The following SLC39A11 variants were observed in gnomAD, a reference collection of about 807,000 sequenced individuals.
SLC39A11 encodes the protein solute carrier family 39 member 11, also known as zinc transporter ZIP11.
SLC39A11 carries 33 observed loss-of-function variants against 36.1 expected under a neutral mutation model. The observed-to-expected ratio is 0.91, with a 90% CI of 0.69 to 1.22. The LOEUF (loss-of-function observed/expected upper bound fraction) is 1.22. Among genes scored for constraint, SLC39A11 ranks in the 50% most tolerant of loss-of-function variants. SLC39A11 has a pLI of 0.00. For synonymous variants in SLC39A11, 166 were observed against 170.3 expected (o/e 0.97, Z 0.20); for missense variants, 432 against 430.3 (o/e 1.00, Z -0.03).
intron 7 of SLC39A11, among the ~76,000 whole-genome samples, chr17:72,655,985 C>T (rs2070099576): frequency 6.6e-6 from 1 of 152,046 alleles, no homozygotes; most frequent in African/African-American, 2.4e-5. Context: ...TCACCAGCTC[C>T]CCTCCTGCAG....
chr17:72,689,063 C>T (rs1019379075), intron 7 of SLC39A11, among the ~76,000 whole-genome samples: 7 of 152,318 alleles, frequency 4.6e-5, no homozygotes, highest in Non-Finnish European at 7.3e-5. Flanking sequence ...CATCCCTGTC[C>T]TGTCTCCTGT....
intron 3 of SLC39A11, among the ~76,000 whole-genome samples, chr17:73,039,377 C>A (rs1459843032): frequency 1.3e-5 from 2 of 152,184 alleles, no homozygotes; most frequent in Non-Finnish European, 2.9e-5. Context: ...GAACGTCGCA[C>A]ATGCCCAGGA....
At position 72,909,827 on chromosome 17, in the gene SLC39A11, C is replaced by G. The variant is rs147993025; in HGVS notation, c.430+37925G>C. On this transcript the variant is annotated intron_variant, in intron 5 of 9. Coordinates refer to ENST00000255559, the MANE Select transcript of SLC39A11 (RefSeq NM_139177.4). ...GTGGCGTGATCTCGGCTCACTGCAA[C>G]CTCCGCTTCCCGCGTTCACGCCATT... 6.1e-3 allele frequency among the ~76,000 whole-genome samples: 917 copies of G among 151,374 alleles called. 4 individuals carry two copies. Among genetic ancestry groups the G allele is most frequent in the Middle Eastern group, 6.8e-3 (2 of 292 alleles).
At chr17:72,902,232 T>C (rs1052730339) in intron 5 of SLC39A11, among the ~76,000 whole-genome samples, 4 of 151,036 alleles carry the variant, frequency 2.6e-5, no homozygotes, top group Non-Finnish European at 5.9e-5. Context: ...GATCATGCCA[T>C]TGCACTCCAG....
At chr17:73,075,108 A>G (rs1252749727) in intron 3 of SLC39A11, among the ~76,000 whole-genome samples, 1 of 152,240 alleles carries the variant, frequency 6.6e-6, no homozygotes, top group East Asian at 1.9e-4. Context: ...CTTCTCACTC[A>G]CATGAAAAGG....
chr17:72,952,407 G>T (rs2085928038), intron 4 of SLC39A11, among the ~76,000 whole-genome samples: 1 of 152,218 alleles, frequency 6.6e-6, no homozygotes, highest in African/African-American at 2.4e-5. Flanking sequence ...GTGGGGGAAA[G>T]TCAGAAGCTC....
At chr17:73,038,545 A>AC in intron 3 of SLC39A11, among the ~76,000 whole-genome samples, 1 of 67,392 alleles carries the variant, frequency 1.5e-5, no homozygotes, top group African/African-American at 4.6e-5. Flanking sequence ...CTAAAAATAC[A>AC]AAAAAAAAAA....
chr17:73,054,742 AG>A lies in SLC39A11; in HGVS notation c.148-23029del, dbSNP rs1460483416. Reference sequence around the variant, plus strand: ...AGAATCGCTTGAACCTGAGAGGCACAGGTTGCAGTGAGCCAAGATCGTGCCA... The same window carrying A: ...AGAATCGCTTGAACCTGAGAGGCACAGTTGCAGTGAGCCAAGATCGTGCCA... On this transcript the variant is annotated intron_variant, in intron 3 of 9. Coordinates refer to ENST00000255559, the MANE Select transcript of SLC39A11 (RefSeq NM_139177.4). 2.7e-5 allele frequency among the ~76,000 whole-genome samples: 4 copies of A among 148,748 alleles called. No individual in the cohort carries two copies. The Admixed American group carries it at 2.7e-4, about 10-fold the overall frequency.
intron 5 of SLC39A11, among the ~76,000 whole-genome samples, chr17:72,872,772 C>T (rs1241002926): frequency 6.6e-6 from 1 of 152,096 alleles, no homozygotes; most frequent in Non-Finnish European, 1.5e-5. Flanking sequence ...AATTATGGTT[C>T]AGGGGCGGGT....
intron 5 of SLC39A11, among the ~76,000 whole-genome samples, chr17:72,890,616 T>C (rs534648679): frequency 2.0e-5 from 3 of 152,284 alleles, no homozygotes; most frequent in South Asian, 4.1e-4. Flanking sequence ...TTTAGACCCA[T>C]TGAATACAAG....
At chr17:72,656,386 G>T (rs538795679) in intron 7 of SLC39A11, among the ~76,000 whole-genome samples, 156 of 152,288 alleles carry the variant, frequency 1.0e-3, no homozygotes, top group African/African-American at 3.7e-3. Context: ...TCCGTGACAA[G>T]CCAAGTCCCA....
intron 4 of SLC39A11, among the ~76,000 whole-genome samples, chr17:72,990,207 T>C (rs8079185): frequency 0.015 from 2,334 of 152,326 alleles, 59 homozygotes; most frequent in African/African-American, 0.053. Flanking sequence ...AGAGCCTTGA[T>C]GGCTGCTACA....
intron 5 of SLC39A11, among the ~76,000 whole-genome samples, chr17:72,914,082 A>G (rs2083190857): frequency 6.6e-6 from 1 of 151,670 alleles, no homozygotes; most frequent in Non-Finnish European, 1.5e-5. Flanking sequence ...TGGGAGGCCG[A>G]GGTGGGTGGA....
chr17:73,078,590 G>C (rs747758737), intron 3 of SLC39A11, among the ~76,000 whole-genome samples: 1 of 151,608 alleles, frequency 6.6e-6, no homozygotes, highest in Admixed American at 6.6e-5. Flanking sequence ...GGGTTCAAGC[G>C]ATTCTCCTGT....
rs370357562 is a variant in SLC39A11 at position 73,060,390 on chromosome 17, A to G, written c.147+24418T>C. 1.0e-3 allele frequency among the ~76,000 whole-genome samples: 153 copies of G among 152,160 alleles called. 5 individuals carry two copies. The South Asian group carries it at 0.027, about 26-fold the overall frequency. ...TATCAGGTTTTTGATAACTATAGAAAACTATTAAAGAGCTAAGGTTTTTCC... is the reference window on the plus strand; with the variant it reads ...TATCAGGTTTTTGATAACTATAGAAGACTATTAAAGAGCTAAGGTTTTTCC... On this transcript the variant is annotated intron_variant, in intron 3 of 9. Coordinates refer to ENST00000255559, the MANE Select transcript of SLC39A11 (RefSeq NM_139177.4).
At chr17:72,728,610 A>G (rs1598470460) in intron 7 of SLC39A11, among the ~76,000 whole-genome samples, 1 of 152,326 alleles carries the variant, frequency 6.6e-6, no homozygotes, top group South Asian at 2.1e-4. Context: ...CAATATGTAA[A>G]CAAATGGGTG....
At chr17:73,006,835 G>A (rs1013455015) in intron 4 of SLC39A11, among the ~76,000 whole-genome samples, 5 of 152,152 alleles carry the variant, frequency 3.3e-5, no homozygotes, top group Admixed American at 1.3e-4. Context: ...TTATTGCGGC[G>A]GGAGTTGTTA....
chr17:72,682,160 G>A (rs895536294), intron 7 of SLC39A11, among the ~76,000 whole-genome samples: 5 of 148,576 alleles, frequency 3.4e-5, no homozygotes, highest in African/African-American at 5.2e-5. Flanking sequence ...TAGATGGGAC[G>A]GTCTAGTTGC....
chr17:72,966,492 C>T (rs2086984307), intron 4 of SLC39A11, among the ~76,000 whole-genome samples: 1 of 152,096 alleles, frequency 6.6e-6, no homozygotes, highest in Non-Finnish European at 1.5e-5. Flanking sequence ...ATCCCCAGGT[C>T]ACAAACCGGG....
Sources: allele counts gnomAD v4.1 joint callset (sites outside exome capture counted in the v4.1 genomes callset), GRCh38; gene constraint gnomAD v4.1.1; transcripts MANE v1.5; gene names NCBI Gene and HGNC (gene_info 2026-07-23, HGNC 2026-07-21).